Variants in KIF3B observed in about 807,000 individuals in gnomAD.
The protein encoded by KIF3B is kinesin-like protein KIF3B.
Under a neutral mutation model 74.3 loss-of-function variants are expected in KIF3B, and 38 were observed. The observed-to-expected ratio is 0.51, with a 90% CI of 0.39 to 0.67. KIF3B has a LOEUF of 0.67. KIF3B is among the 30% of genes least tolerant of loss of function. KIF3B has a pLI of 0.00. For missense variants in KIF3B, 649 were observed against 932.0 expected (o/e 0.70, Z 3.95); for synonymous variants, 326 against 342.5 (o/e 0.95, Z 0.53).
At chr20:32,284,704 C>T (rs2047659435) in intron 1 of KIF3B, among the ~76,000 whole-genome samples, 1 of 152,162 alleles carries the variant, frequency 6.6e-6, no homozygotes, top group African/African-American at 2.4e-5. Context: ...TGCCTTTTAC[C>T]AAGATCCCGG....
chr20:32,285,121 G>A (rs984576610), intron 1 of KIF3B, among the ~76,000 whole-genome samples: 2 of 149,182 alleles, frequency 1.3e-5, no homozygotes, highest in African/African-American at 4.9e-5. Context: ...AAAAAACAGT[G>A]ACTTGAAAGA....
At chr20:32,330,052 A>G in intron 7 of KIF3B, 89 bp from the exon 8 acceptor site, 1 of 1,178,784 alleles carries the variant, frequency 8.5e-7, no homozygotes, top group Non-Finnish European at 1.2e-6. Flanking sequence ...AGCAATTTGC[A>G]CTTCTATTCT....
Position 32,326,854 on chromosome 20 carries a change from A to T in KIF3B, c.1832A>T (p.His611Leu), listed in dbSNP as rs375086240. 7.6e-6 allele frequency: 12 copies of T among 1,583,418 alleles called. No individual in the cohort carries two copies. The highest frequency in any genetic ancestry group is 9.5e-6 in the Non-Finnish European group (11 of 1,154,782). ...GCCTTCTTTGATGAAGAGGAAGATC[A>T]TTGGAAACTACATCCTATAACCAGA... is the stretch of plus-strand genomic sequence containing the variant. ...NRAFFDEEED[H>L]WKLHPITRLE... is the part of the protein sequence containing the mutation. Residue 611 changes from histidine to leucine, a missense_variant, in exon 6 of 9, where the codon CAT becomes CTT. Physicochemically the swap from His to Leu is moderately conservative, Grantham distance 99. Around this residue, in one of 4 missense-constraint regions of KIF3B, gnomAD observed 186 missense variants for 198.5 expected, o/e 0.94. Transcript: ENST00000375712.
chr20:32,326,871 A>T lies in KIF3B; in HGVS notation c.1849A>T (p.Ile617Leu), dbSNP rs369593565. The change falls in exon 6 of 9, where the codon ATA becomes TTA. Residue 617 changes from isoleucine to leucine, a missense_variant. This residue lies in a region of KIF3B where 186 missense variants were observed against 198.5 expected (regional missense o/e 0.94). Coordinates refer to ENST00000375712, the MANE Select transcript of KIF3B (RefSeq NM_004798.4). ...GGAAGATCATTGGAAACTACATCCT[A>T]TAACCAGACTGGAGTAAGTCACTAT... ...EEEDHWKLHP[I>L]TRLENQQMMK... 1.7e-5 allele frequency: 25 copies of T among 1,506,144 alleles called. No individual in the cohort carries two copies. The African/African-American group carries it at 3.0e-4, about 18-fold the overall frequency. 93.3% of individuals were successfully genotyped at this position (1,506,144 alleles called of 1,614,324 possible).
chr20:32,313,842 G>T (rs1036718020), intron 2 of KIF3B, among the ~76,000 whole-genome samples: 1 of 152,064 alleles, frequency 6.6e-6, no homozygotes, highest in African/African-American at 2.4e-5. Flanking sequence ...GAGTATCTGG[G>T]ACTACAGGTG....
At chr20:32,319,374 A>G (rs1369960520) in intron 5 of KIF3B, among the ~76,000 whole-genome samples, 1 of 151,820 alleles carries the variant, frequency 6.6e-6, no homozygotes, top group Non-Finnish European at 1.5e-5. Flanking sequence ...TCTGATGACT[A>G]ATGATGTTGA....
At chr20:32,330,420 C>A in intron 8 of KIF3B, 101 bp downstream of exon 8, 1 of 1,059,676 alleles carries the variant, frequency 9.4e-7, no homozygotes, top group South Asian at 1.5e-5. Flanking sequence ...GCAGAACACA[C>A]TAGAAAATAT....
At chr20:32,285,321 T>G (rs2047662738) in intron 1 of KIF3B, among the ~76,000 whole-genome samples, 2 of 152,166 alleles carry the variant, frequency 1.3e-5, no homozygotes, top group Admixed American at 1.3e-4. Flanking sequence ...CATTTAGCTC[T>G]AAGCTGTTTC....
At chr20:32,281,241 G>T (rs2047641587) in intron 1 of KIF3B, among the ~76,000 whole-genome samples, 1 of 152,196 alleles carries the variant, frequency 6.6e-6, no homozygotes, top group Admixed American at 6.5e-5. Context: ...CTGTTTTATA[G>T]TCGAGGAATC....
intron 1 of KIF3B, among the ~76,000 whole-genome samples, chr20:32,301,545 T>G (rs2047744305): frequency 6.6e-6 from 1 of 151,110 alleles, no homozygotes; most frequent in African/African-American, 2.4e-5. Context: ...CCCAGCTAAT[T>G]TTTGTATTTT....
At chr20:32,308,213 G>C (rs1422683837) in intron 1 of KIF3B, among the ~76,000 whole-genome samples, 1 of 152,174 alleles carries the variant, frequency 6.6e-6, no homozygotes, top group Admixed American at 6.5e-5. Context: ...TCCAGCCTGG[G>C]TGACAGAGCG....
Position 32,331,463 on chromosome 20 carries a change from T to G in KIF3B, c.*144T>G. On this transcript the variant is annotated 3_prime_UTR_variant, in exon 9 of 9. Transcript: ENST00000375712. ...TGGCCTCTTTGCAGATCAACCAACT[T>G]AATCTGGTTGAACGTGCTGTTCCTA... 1.6e-6 allele frequency: 1 copy of G among 624,404 alleles called. No homozygotes were observed. Among genetic ancestry groups the G allele is most frequent in the Non-Finnish European group, 2.8e-6 (1 of 362,520 alleles). 38.7% of individuals were successfully genotyped at this position (624,404 alleles called of 1,614,324 possible).
chr20:32,302,665 A>G (rs560387243), intron 1 of KIF3B, among the ~76,000 whole-genome samples: 198 of 152,144 alleles, frequency 1.3e-3, no homozygotes, highest in Non-Finnish European at 2.3e-3. Context: ...CTCTTACTCT[A>G]TCAGGTCTAG....
In KIF3B at chr20:32,330,291, A is replaced by G; in HGVS notation, c.2119A>G (p.Ser707Gly). ...EIQVDASSFE[S>G]TANKKSKARP... ...ACAGGTGGATGCATCATCATTTGAA[A>G]GCACTGCAAATAAGAAATCCAAGGC... The change falls in exon 8 of 9, where the codon AGC becomes GGC. Residue 707 changes from serine (S) to glycine (G), a missense_variant. By Grantham distance (56) the Ser-to-Gly change is moderately conservative. Transcript: ENST00000375712. The G allele has an allele frequency of 6.2e-7, 1 of 1,614,148 alleles. No homozygotes were observed. The highest frequency in any genetic ancestry group is 1.3e-5 in the African/African-American group (1 of 75,034).
rs1040078598 is a variant in KIF3B at position 32,334,194 on chromosome 20, C to G, written c.*2875C>G. On this transcript the variant is annotated 3_prime_UTR_variant, in exon 9 of 9. Coordinates refer to ENST00000375712, the MANE Select transcript of KIF3B (RefSeq NM_004798.4). Reference sequence around the variant, plus strand: ...AACCCCCAATAGACCCCCTTTTACTCTGATCTGGAGAATGTATCTGGCTTC... The same window carrying G: ...AACCCCCAATAGACCCCCTTTTACTGTGATCTGGAGAATGTATCTGGCTTC... 6.5e-6 allele frequency: 1 copy of G among 152,680 alleles called. No homozygotes were observed. The highest frequency in any genetic ancestry group is 1.5e-5 in the Non-Finnish European group (1 of 68,120). 9.5% of individuals were successfully genotyped at this position (152,680 alleles called of 1,614,324 possible). A position where few individuals can be genotyped will look rare whatever the true frequency, so the allele number is the denominator to read the frequency against.
chr20:32,309,993 G>C lies in KIF3B; in HGVS notation c.216G>C (p.Leu72=). The C allele has an allele frequency of 2.5e-6, 4 of 1,614,158 alleles. No homozygotes were observed. The South Asian group carries it at 3.3e-5, about 13-fold the overall frequency. The part of the protein sequence containing the change: ...VYDWNAKQFE[L]YDETFRPLVD... The stretch of plus-strand genomic sequence containing the variant: ...ACTGGAATGCCAAGCAGTTTGAACT[G>C]TACGATGAGACGTTCCGACCACTTG... The change falls in exon 2 of 9, where the codon CTG becomes CTC. Residue 72 remains leucine, a synonymous_variant. Coordinates refer to ENST00000375712, the MANE Select transcript of KIF3B (RefSeq NM_004798.4).
chr20:32,322,744 ATT>A (rs1309026241), intron 5 of KIF3B, among the ~76,000 whole-genome samples: 633 of 43,084 alleles, frequency 0.015, 11 homozygotes, highest in East Asian at 0.019. Flanking sequence ...ATATATATTT[ATT>A]TATATATATA....
intron 1 of KIF3B, among the ~76,000 whole-genome samples, chr20:32,300,398 C>T (rs1364680774): frequency 6.6e-6 from 1 of 152,094 alleles, no homozygotes; most frequent in African/African-American, 2.4e-5. Context: ...CTGCCTCAGC[C>T]TCCCGAGTAG....
Position 32,310,250 on chromosome 20 carries a change from A to G in KIF3B, c.473A>G (p.Lys158Arg), listed in dbSNP as rs1263705159. The G allele has an allele frequency of 4.3e-6, 7 of 1,613,944 alleles. No individual in the cohort carries two copies. In the Admixed American group the frequency reaches 1.2e-4, roughly 27 times the overall value. The change falls in exon 2 of 9, where the codon AAG becomes AGG. Residue 158 changes from lysine (K) to arginine (R), a missense_variant. Physicochemically the swap from Lys to Arg is conservative, Grantham distance 26 (BLOSUM62 2). Coordinates refer to ENST00000375712, the MANE Select transcript of KIF3B (RefSeq NM_004798.4). The surrounding 1 kb of genome is among the most constrained non-coding windows in gnomAD (Gnocchi z 6.5). ...YQEEIRDLLS[K>R]DQTKRLELKE... ...GAGGAGATCCGAGATTTGCTCTCAAAGGATCAGACCAAAAGGCTTGAGCTC... is the reference window on the plus strand; with the variant it reads ...GAGGAGATCCGAGATTTGCTCTCAAGGGATCAGACCAAAAGGCTTGAGCTC...
Sources: allele counts gnomAD v4.1 joint callset (sites outside exome capture counted in the v4.1 genomes callset), GRCh38; gene constraint gnomAD v4.1.1; regional missense constraint gnomAD v4.1.1; non-coding constraint Gnocchi (gnomAD v3.1); transcripts MANE v1.5; gene names NCBI Gene and HGNC (gene_info 2026-07-23, HGNC 2026-07-21).